ANXA4: variants seen among roughly 807,000 people sequenced by gnomAD.
ANXA4 encodes the protein 35-beta calcimedin.
ANXA4 carries 39 observed loss-of-function variants against 49.8 expected under a neutral mutation model. That is an observed-to-expected ratio of 0.78 (90% CI 0.61 to 1.02). ANXA4 has a LOEUF of 1.02. Among genes scored for constraint, ANXA4 ranks in the 50% least tolerant of loss-of-function variants. ANXA4 has a pLI of 0.00. For missense variants in ANXA4, 360 were observed against 410.1 expected (o/e 0.88, Z 1.05); for synonymous variants, 134 against 152.5 (o/e 0.88, Z 0.89).
At chr2:69,768,700 A>G (rs543900854) in intron 1 of ANXA4, among the ~76,000 whole-genome samples, 1 of 152,340 alleles carries the variant, frequency 6.6e-6, no homozygotes, top group Non-Finnish European at 1.5e-5. Flanking sequence ...GATAGAAATA[A>G]TCAGCATTAC....
intron 1 of ANXA4, among the ~76,000 whole-genome samples, chr2:69,650,453 A>G (rs1292177285): frequency 2.0e-5 from 3 of 152,080 alleles, no homozygotes; most frequent in African/African-American, 7.2e-5. Context: ...CCTTGCCTTC[A>G]AGGAGCTTTT....
intron 2 of ANXA4, among the ~76,000 whole-genome samples, chr2:69,786,760 C>T (rs541703314): frequency 6.6e-6 from 1 of 152,262 alleles, no homozygotes; most frequent in African/African-American, 2.4e-5. Flanking sequence ...CTCACTCTGT[C>T]GCCCAGATTG....
chr2:69,793,064 C>T (rs113477574), intron 3 of ANXA4, among the ~76,000 whole-genome samples: 8,957 of 152,078 alleles, frequency 0.059, 783 homozygotes, highest in Admixed American at 0.22. Flanking sequence ...CCATCCTGGC[C>T]AACATGGTGA....
chr2:69,680,652 C>G (rs768948941), intron 2 of ANXA4, among the ~76,000 whole-genome samples: 2 of 152,028 alleles, frequency 1.3e-5, no homozygotes, highest in Non-Finnish European at 2.9e-5. Flanking sequence ...TCCTATATGG[C>G]CTTTAGTATG....
chr2:69,739,640 T>A (rs1670334525), upstream of ANXA4, among the ~76,000 whole-genome samples: 1 of 151,846 alleles, frequency 6.6e-6, no homozygotes, highest in Non-Finnish European at 1.5e-5. Flanking sequence ...CCCAGGCTGA[T>A]CTCGAACTCC....
rs200145396 is a variant in ANXA4 at position 69,684,994 on chromosome 2, ATTG to A, written n.766+31717_766+31719del. On this transcript the variant is annotated intron_variant and non_coding_transcript_variant, in intron 2 of 3. Transcript: ENST00000418066. ...TGATGTCTTTGGGTCTTGAGAAAAC[ATTG>A]TTGTGGGATCACCAACAATCGTCAG... 6.1e-3 allele frequency among the ~76,000 whole-genome samples: 926 copies of A among 151,722 alleles called. 20 individuals are homozygous for A. Among genetic ancestry groups the A allele is most frequent in the Admixed American group, 9.8e-3 (149 of 15,260 alleles).
Position 69,805,013 on chromosome 2 carries a change from C to T in ANXA4, c.192+386C>T, listed in dbSNP as rs112145044. Among the ~76,000 whole-genome samples the T allele has an allele frequency of 6.4e-3, 880 of 136,788 alleles. 14 individuals carry two copies. Among genetic ancestry groups the T allele is most frequent in the African/African-American group, 0.024 (840 of 35,678 alleles). The allele number at this position is 136,788 out of a possible 152,430, so 89.7% of individuals were successfully genotyped here. A position where few individuals can be genotyped will look rare whatever the true frequency, so the allele number is the denominator to read the frequency against. On this transcript the variant is annotated intron_variant, in intron 4 of 12. Coordinates refer to ENST00000394295, the MANE Select transcript of ANXA4 (RefSeq NM_001153.5). ...AGTGAGCCAAGATCATGCCACTTCACTCCAGCCTGGGCAACAGAGACAGAC... is the reference window on the plus strand; with the variant it reads ...AGTGAGCCAAGATCATGCCACTTCATTCCAGCCTGGGCAACAGAGACAGAC...
At position 69,771,651 on chromosome 2, in the gene ANXA4, C is replaced by G. The variant is rs79424031; in HGVS notation, c.-46-9869C>G. Reference sequence around the variant, plus strand: ...AGTTCTTGTTCCACATCCCTGCAGTCTGCCATAAGGACATAAGAAACTTTC... The same window carrying G: ...AGTTCTTGTTCCACATCCCTGCAGTGTGCCATAAGGACATAAGAAACTTTC... On this transcript the variant is annotated intron_variant, in intron 1 of 12. Coordinates refer to ENST00000394295, the MANE Select transcript of ANXA4 (RefSeq NM_001153.5). 6.7e-3 allele frequency among the ~76,000 whole-genome samples: 1,028 copies of G among 152,326 alleles called. 14 individuals are homozygous for G. Among genetic ancestry groups the G allele is most frequent in the Middle Eastern group, 0.024 (7 of 294 alleles).
At chr2:69,656,551 CT>C (rs34322550) in intron 2 of ANXA4, among the ~76,000 whole-genome samples, 5,075 of 103,778 alleles carry the variant, frequency 0.049, 247 homozygotes, top group East Asian at 0.3. Flanking sequence ...ACAGTAGTTC[CT>C]TTTTTTTTTT....
At chr2:69,660,038 C>G (rs1177346399) in intron 2 of ANXA4, among the ~76,000 whole-genome samples, 1 of 152,048 alleles carries the variant, frequency 6.6e-6, no homozygotes, top group African/African-American at 2.4e-5. Flanking sequence ...ATCTACTCAC[C>G]AGCCCAGAGA....
intron 1 of ANXA4, among the ~76,000 whole-genome samples, chr2:69,774,999 AC>A (rs1238695409): frequency 6.6e-6 from 1 of 152,174 alleles, no homozygotes; most frequent in East Asian, 1.9e-4. Flanking sequence ...AGTGTTCGAA[AC>A]CTAAGACACT....
At chr2:69,779,799 C>G (rs1007704940) in intron 1 of ANXA4, among the ~76,000 whole-genome samples, 1 of 152,192 alleles carries the variant, frequency 6.6e-6, no homozygotes, top group African/African-American at 2.4e-5. Flanking sequence ...TCTGAGCCTT[C>G]CCTGGAATGA....
upstream of ANXA4, among the ~76,000 whole-genome samples, chr2:69,644,165 T>TTCCCCCCC (rs1553424953): frequency 3.3e-4 from 7 of 21,140 alleles, no homozygotes; most frequent in African/African-American, 5.1e-4. Flanking sequence ...ACAACTAAGT[T>TTCCCCCCC]CCCCCCCCCC....
At chr2:69,732,050 G>C (rs1426960390) in intron 3 of ANXA4, among the ~76,000 whole-genome samples, 1 of 135,478 alleles carries the variant, frequency 7.4e-6, no homozygotes, top group Non-Finnish European at 1.5e-5. Flanking sequence ...GCACGATCTC[G>C]ACTCACTGCA....
intron 2 of ANXA4, among the ~76,000 whole-genome samples, chr2:69,654,059 G>T (rs1676348919): frequency 6.6e-6 from 1 of 152,156 alleles, no homozygotes; most frequent in Non-Finnish European, 1.5e-5. Context: ...GTGAATGGGA[G>T]TTCACTCATG....
At chr2:69,761,795 A>C in intron 1 of ANXA4, among the ~76,000 whole-genome samples, 1 of 146,672 alleles carries the variant, frequency 6.8e-6, no homozygotes, top group East Asian at 2.0e-4. Context: ...AAAAAAAAAA[A>C]CTTAAAATGT....
intron 7 of ANXA4, among the ~76,000 whole-genome samples, chr2:69,811,698 A>C (rs1397302046): frequency 1.3e-5 from 2 of 152,152 alleles, no homozygotes; most frequent in Admixed American, 1.3e-4. Flanking sequence ...TTTCCCTTCA[A>C]ACCAGCTCTT....
At chr2:69,707,092 T>G (rs1678522854) in intron 2 of ANXA4, among the ~76,000 whole-genome samples, 1 of 152,240 alleles carries the variant, frequency 6.6e-6, no homozygotes, top group Admixed American at 6.5e-5. Context: ...ATATGTGAGC[T>G]TAGCCTATAT....
intron 2 of ANXA4, among the ~76,000 whole-genome samples, chr2:69,782,814 C>G (rs1481669007): frequency 6.6e-6 from 1 of 152,208 alleles, no homozygotes; most frequent in East Asian, 1.9e-4. Flanking sequence ...TGTGTGCTTT[C>G]CACTCGGAGA....
Sources: allele counts gnomAD v4.1 joint callset (sites outside exome capture counted in the v4.1 genomes callset), GRCh38; gene constraint gnomAD v4.1.1; transcripts MANE v1.5; gene names NCBI Gene and HGNC (gene_info 2026-07-23, HGNC 2026-07-21).